ATXN1: variants seen among roughly 807,000 people sequenced by gnomAD.
ATXN1 encodes ataxin 1.
ATXN1 carries 8 observed loss-of-function variants against 56.4 expected under a neutral mutation model. The ratio of observed to expected loss-of-function variants is 0.14; its 90% CI spans 0.08 to 0.26. The LOEUF is 0.26. ATXN1 is among the 10% of genes least tolerant of loss of function. The probability of loss-of-function intolerance (pLI) is 1.00; values close to 1 mark genes in which losing one functional copy is unlikely to be tolerated. For missense variants in ATXN1, 987 were observed against 1,106.5 expected (o/e 0.89, Z 1.53); for synonymous variants, 514 against 494.6 (o/e 1.04, Z -0.52).
intron 6 of ATXN1, among the ~76,000 whole-genome samples, chr6:16,350,643 C>T (rs1454029529): frequency 6.6e-6 from 1 of 152,224 alleles, no homozygotes; most frequent in Non-Finnish European, 1.5e-5. Flanking sequence ...AAGAATTTGG[C>T]TTTGGCCAAA....
chr6:16,730,006 A>G (rs1759932192), intron 2 of ATXN1, among the ~76,000 whole-genome samples: 1 of 152,356 alleles, frequency 6.6e-6, no homozygotes, highest in African/African-American at 2.4e-5. Flanking sequence ...AAATTGGCCA[A>G]GCGCGATGGC....
chr6:16,715,005 A>G (rs1561819624), intron 2 of ATXN1, among the ~76,000 whole-genome samples: 1 of 152,072 alleles, frequency 6.6e-6, no homozygotes, highest in Non-Finnish European at 1.5e-5. Flanking sequence ...CCTAAAGTGG[A>G]CATACACCTT....
At chr6:16,601,599 C>A (rs767611591) in intron 3 of ATXN1, among the ~76,000 whole-genome samples, 3 of 152,106 alleles carry the variant, frequency 2.0e-5, no homozygotes, top group Non-Finnish European at 4.4e-5. Flanking sequence ...GCCTGTAATC[C>A]CAGCACTTAG....
intron 3 of ATXN1, among the ~76,000 whole-genome samples, chr6:16,613,676 A>G (rs540830719): frequency 6.6e-6 from 1 of 152,102 alleles, no homozygotes; most frequent in African/African-American, 2.4e-5. Flanking sequence ...GTTAAAAAAG[A>G]AAAAGAGCCA....
intron 6 of ATXN1, among the ~76,000 whole-genome samples, chr6:16,449,085 C>T (rs906354970): frequency 1.1e-4 from 9 of 80,388 alleles, no homozygotes; most frequent in Non-Finnish European, 1.6e-4. Context: ...AAAGGTATCC[C>T]GTCATCTCAG....
intron 2 of ATXN1, among the ~76,000 whole-genome samples, chr6:16,670,444 A>C (rs2088662285): frequency 6.6e-6 from 1 of 152,222 alleles, no homozygotes; most frequent in African/African-American, 2.4e-5. Context: ...TGAAACATAT[A>C]CAGTACATTA....
intron 2 of ATXN1, among the ~76,000 whole-genome samples, chr6:16,731,459 T>TTTC (rs1759979799): frequency 1.1e-5 from 1 of 94,698 alleles, no homozygotes; most frequent in East Asian, 3.1e-4. Context: ...CTTTTCTTTT[T>TTTC]TTTTTTTTTT....
In ATXN1 at chr6:16,301,103, C is replaced by CAAAGT. The variant is rs1036403991; in HGVS notation, c.*5221_*5225dup. ...TTCTCTGCTTTTTTTTTTTTACAAACAAAGTATGAAACTCATTGTTTCAAC... is the reference window on the plus strand; with the variant it reads ...TTCTCTGCTTTTTTTTTTTTACAAACAAAGTAAAGTATGAAACTCATTGTTTCAAC... On this transcript the variant is annotated 3_prime_UTR_variant, in exon 8 of 8. Coordinates refer to ENST00000436367, the MANE Select transcript of ATXN1 (RefSeq NM_001128164.2). The CAAAGT allele has an allele frequency of 7.8e-6, 1 of 128,694 alleles. No individual in the cohort carries two copies. The highest frequency in any genetic ancestry group is 2.9e-5 in the African/African-American group (1 of 34,942). The allele number at this position is 128,694 out of a possible 1,614,324, so 8.0% of individuals were successfully genotyped here.
At chr6:16,714,727 A>G (rs1419659902) in intron 2 of ATXN1, among the ~76,000 whole-genome samples, 1 of 152,252 alleles carries the variant, frequency 6.6e-6, no homozygotes, top group Admixed American at 6.5e-5. Context: ...GTTTTAGAGC[A>G]AAAAAAGATA....
At chr6:16,477,975 G>A (rs919828166) in intron 6 of ATXN1, among the ~76,000 whole-genome samples, 4 of 152,100 alleles carry the variant, frequency 2.6e-5, no homozygotes, top group African/African-American at 4.8e-5. Flanking sequence ...TGACCCTCTC[G>A]AGGCCACCCT....
rs79245462 is a variant in ATXN1, at chr6:16,437,079, G to A, written c.-161+48893C>T. Among the ~76,000 whole-genome samples the A allele has an allele frequency of 1.2e-3, 188 of 152,294 alleles. 4 individuals carry two copies. The East Asian group carries it at 0.034, about 27-fold the overall frequency. ...TAGAATATCAAGAGTTCATCCCACT[G>A]AAGGCAGTTAAGAGACAGTGGGATA... On this transcript the variant is annotated intron_variant, in intron 6 of 7. Transcript: ENST00000436367.
intron 2 of ATXN1, among the ~76,000 whole-genome samples, chr6:16,720,716 A>C (rs1199620148): frequency 6.6e-6 from 1 of 152,220 alleles, no homozygotes; most frequent in Non-Finnish European, 1.5e-5. Flanking sequence ...GAGCTAAAGC[A>C]TGGTATAAAG....
chr6:16,509,323 T>G (rs1761036717), intron 5 of ATXN1, among the ~76,000 whole-genome samples: 2 of 152,208 alleles, frequency 1.3e-5, no homozygotes. Context: ...CTGTTTTTCT[T>G]GCCATCCTTT....
intron 5 of ATXN1, among the ~76,000 whole-genome samples, chr6:16,492,410 A>G (rs1025515868): frequency 6.6e-6 from 1 of 152,048 alleles, no homozygotes; most frequent in Non-Finnish European, 1.5e-5. Context: ...TGTACCCTAA[A>G]ACCTAAAGTA....
intron 3 of ATXN1, among the ~76,000 whole-genome samples, chr6:16,620,900 C>T (rs1323686970): frequency 6.6e-6 from 1 of 152,180 alleles, no homozygotes; most frequent in Non-Finnish European, 1.5e-5. Context: ...CTCTCTGGGG[C>T]CCTTTCTAGA....
intron 6 of ATXN1, among the ~76,000 whole-genome samples, chr6:16,387,663 G>A (rs147718397): frequency 8.5e-4 from 130 of 152,274 alleles, no homozygotes; most frequent in African/African-American, 3.0e-3. Context: ...GGGCCGTCCT[G>A]CCTGCTTCGT....
At chr6:16,724,158 G>C (rs1759800552) in intron 2 of ATXN1, among the ~76,000 whole-genome samples, 2 of 152,184 alleles carry the variant, frequency 1.3e-5, no homozygotes, top group Admixed American at 1.3e-4. Context: ...AACCCCGAGT[G>C]ACTGGCATTC....
chr6:16,692,246 A>G (rs1159974933), intron 2 of ATXN1, among the ~76,000 whole-genome samples: 1 of 152,140 alleles, frequency 6.6e-6, no homozygotes, highest in Non-Finnish European at 1.5e-5. Context: ...ACTGAGCGAG[A>G]CTCTGCAAAT....
chr6:16,591,554 C>G (rs866211301), intron 3 of ATXN1, among the ~76,000 whole-genome samples: 2 of 152,084 alleles, frequency 1.3e-5, no homozygotes, highest in South Asian at 2.1e-4. Context: ...CAGGGATGTC[C>G]TCATTCATTC....
Sources: allele counts gnomAD v4.1 joint callset (sites outside exome capture counted in the v4.1 genomes callset), GRCh38; gene constraint gnomAD v4.1.1; transcripts MANE v1.5; gene names NCBI Gene and HGNC (gene_info 2026-07-23, HGNC 2026-07-21).